Variants in GRIK1 observed in about 807,000 individuals in gnomAD.
GRIK1 encodes glutamate receptor ionotropic, kainate 1.
GRIK1 carries 69 observed loss-of-function variants against 105.7 expected under a neutral mutation model. That is an observed-to-expected ratio of 0.65 (90% CI 0.54 to 0.80). The LOEUF (loss-of-function observed/expected upper bound fraction) is 0.80, where lower values mean the gene tolerates loss of function less well. Ranked by LOEUF, GRIK1 falls within the 30% of genes least tolerant of loss-of-function variation. GRIK1 has a pLI of 0.00. For missense variants in GRIK1, 1,109 were observed against 1,167.3 expected (o/e 0.95, Z 0.73); for synonymous variants, 438 against 431.3 (o/e 1.02, Z -0.19).
chr21:29,799,411 C>A (rs1282473860), intron 1 of GRIK1, among the ~76,000 whole-genome samples: 1 of 152,190 alleles, frequency 6.6e-6, no homozygotes, highest in Non-Finnish European at 1.5e-5. Context: ...ATTAGGTGAC[C>A]TGTCCAGGGA....
rs202074260 is a variant in GRIK1, at chr21:29,560,503, CCTTCCTTCCTTCCTTCCTTTCTTTCTTT to C, written c.2356+1093_2356+1120del. ...TCTCCCTTTCTTTCTTTCTTTCCTT[CCTTCCTTCCTTCCTTCCTTTCTTTCTTT>C]CTTTCTTTCTTTCTTTCTTTCTTTC... On this transcript the variant is annotated intron_variant, in intron 15 of 17. Coordinates refer to ENST00000327783, the MANE Select transcript of GRIK1 (RefSeq NM_001330994.2). Among the ~76,000 whole-genome samples, 32 of 15,630 alleles carry C rather than the reference CCTTCCTTCCTTCCTTCCTTTCTTTCTTT, an allele frequency of 2.0e-3. 3 individuals are homozygous for C. Among genetic ancestry groups the C allele is most frequent in the Admixed American group, 5.6e-3 (7 of 1,240 alleles). 10.3% of individuals were successfully genotyped at this position (15,630 alleles called of 152,430 possible).
chr21:29,688,649 A>G (rs2063529382), intron 3 of GRIK1, among the ~76,000 whole-genome samples: 1 of 152,230 alleles, frequency 6.6e-6, no homozygotes, highest in Non-Finnish European at 1.5e-5. Flanking sequence ...GGATGCTTAG[A>G]AATTTCCAGT....
intron 1 of GRIK1, among the ~76,000 whole-genome samples, chr21:29,823,093 C>T (rs1224765924): frequency 6.6e-6 from 1 of 151,852 alleles, no homozygotes; most frequent in Non-Finnish European, 1.5e-5. Context: ...GGGTTAGCTC[C>T]AGCTAATTTG....
chr21:29,854,142 A>C (rs1354631353), intron 1 of GRIK1, among the ~76,000 whole-genome samples: 1 of 152,072 alleles, frequency 6.6e-6, no homozygotes, highest in African/African-American at 2.4e-5. Context: ...GGTCTCAGGG[A>C]GCTTCCACTT....
Position 29,889,978 on chromosome 21 carries a change from AT to A in GRIK1, c.118+49404del, listed in dbSNP as rs1257839502. ...GTTCTGAAACACCGATGCAACCCTT[AT>A]CTGTGAAAATGTCTAGATCTCCTGG... On this transcript the variant is annotated intron_variant, in intron 1 of 17. Coordinates refer to ENST00000327783, the MANE Select transcript of GRIK1 (RefSeq NM_001330994.2). Among the ~76,000 whole-genome samples the A allele has an allele frequency of 3.3e-5, 5 of 152,196 alleles. No homozygotes were observed. The East Asian group carries it at 9.6e-4, about 29-fold the overall frequency.
At chr21:29,793,027 A>C (rs1394652946) in intron 1 of GRIK1, among the ~76,000 whole-genome samples, 3 of 152,122 alleles carry the variant, frequency 2.0e-5, no homozygotes, top group Non-Finnish European at 2.9e-5. Context: ...ATGCACCTTC[A>C]TTGCACGTGA....
At chr21:29,805,637 CACAT>C (rs1477638810) in intron 1 of GRIK1, among the ~76,000 whole-genome samples, 1 of 152,100 alleles carries the variant, frequency 6.6e-6, no homozygotes, top group Non-Finnish European at 1.5e-5. Flanking sequence ...ATCACCAACA[CACAT>C]ATTTGCTTAT....
At chr21:29,555,456 A>G (rs1479645658) in intron 15 of GRIK1, among the ~76,000 whole-genome samples, 154 bp from the exon 16 acceptor site, 2 of 152,166 alleles carry the variant, frequency 1.3e-5, no homozygotes, top group African/African-American at 4.8e-5. Flanking sequence ...GTTCACTCCT[A>G]TATTTTGAAG....
At chr21:29,539,632 T>C (rs2089937783) in intron 16 of GRIK1, among the ~76,000 whole-genome samples, 1 of 152,230 alleles carries the variant, frequency 6.6e-6, no homozygotes, top group Admixed American at 6.5e-5. Flanking sequence ...ATTAATATTT[T>C]ATAGTGTAAT....
At chr21:29,892,205 A>G (rs1601959244) in intron 1 of GRIK1, among the ~76,000 whole-genome samples, 1 of 152,300 alleles carries the variant, frequency 6.6e-6, no homozygotes, top group Non-Finnish European at 1.5e-5. Flanking sequence ...TACTAAAGAG[A>G]CTAGAAATAC....
At chr21:29,744,484 C>T (rs2065003182) in intron 1 of GRIK1, among the ~76,000 whole-genome samples, 1 of 152,134 alleles carries the variant, frequency 6.6e-6, no homozygotes, top group Non-Finnish European at 1.5e-5. Context: ...CTTTTCAAAG[C>T]AGACATTCTG....
chr21:29,605,709 G>A lies in GRIK1; in HGVS notation c.1099-6772C>T, dbSNP rs148188121. ...CAGTGTGAAAGCATCCCTTTTTCTC[G>A]GCAACCTCGCCAGCATCTGTTGAAA... is the stretch of plus-strand genomic sequence containing the variant. On this transcript the variant is annotated intron_variant, in intron 7 of 17. Transcript: ENST00000327783. Among the ~76,000 whole-genome samples the A allele has an allele frequency of 3.3e-5, 5 of 152,030 alleles. No homozygotes were observed. In the East Asian group the frequency reaches 5.8e-4, roughly 18 times the overall value.
chr21:29,880,782 T>C (rs2069378595), intron 1 of GRIK1, among the ~76,000 whole-genome samples: 1 of 152,142 alleles, frequency 6.6e-6, no homozygotes, highest in South Asian at 2.1e-4. Flanking sequence ...CAGGGATGTC[T>C]TGATAGTAGA....
chr21:29,595,227 AG>A (rs760646779), intron 9 of GRIK1, among the ~76,000 whole-genome samples: 97 of 152,052 alleles, frequency 6.4e-4, no homozygotes, highest in Non-Finnish European at 1.1e-3. Flanking sequence ...TGACAAATAG[AG>A]GACATCCCCC....
chr21:29,623,632 C>T (rs1426359455), intron 7 of GRIK1, among the ~76,000 whole-genome samples: 2 of 152,014 alleles, frequency 1.3e-5, no homozygotes, highest in Non-Finnish European at 2.9e-5. Flanking sequence ...TTAAAAATAC[C>T]CTTATTTCAT....
chr21:29,707,454 C>CCCTTCCTTCCTTCCTTCCTT (rs1555875933), intron 1 of GRIK1, among the ~76,000 whole-genome samples: 1 of 88,560 alleles, frequency 1.1e-5, no homozygotes, highest in African/African-American at 5.7e-5. Context: ...CTCCCTCCCT[C>CCCTTCCTTCCTTCCTTCCTT]CCTCCCTCCC....
chr21:29,590,114 G>T (rs572165828), intron 10 of GRIK1, among the ~76,000 whole-genome samples: 2 of 152,200 alleles, frequency 1.3e-5, no homozygotes, highest in African/African-American at 4.8e-5. Context: ...AAATATAATA[G>T]TTGCTATACT....
intron 1 of GRIK1, among the ~76,000 whole-genome samples, chr21:29,929,386 A>C (rs2071490932): frequency 6.6e-6 from 1 of 152,252 alleles, no homozygotes; most frequent in African/African-American, 2.4e-5. Context: ...AGTGAAAAAA[A>C]ACTTTCACCC....
At chr21:29,723,302 T>C (rs1332863567) in intron 1 of GRIK1, among the ~76,000 whole-genome samples, 1 of 152,264 alleles carries the variant, frequency 6.6e-6, no homozygotes. Context: ...TTGGAATTTA[T>C]TTCTCATTAT....
Sources: gnomAD v4.1 joint callset for allele counts (sites outside exome capture counted in the v4.1 genomes callset) on GRCh38, gnomAD v4.1.1 for gene constraint, MANE v1.5 for transcripts, NCBI Gene and HGNC (gene_info 2026-07-23, HGNC 2026-07-21) for gene names.